Variants in PCLO observed in about 807,000 individuals in gnomAD.
PCLO encodes the protein protein piccolo.
In PCLO, 82 loss-of-function variants were observed where a neutral mutation model predicts 427.5. The ratio of observed to expected loss-of-function variants is 0.19; its 90% confidence interval spans 0.16 to 0.23. The LOEUF is 0.23. PCLO is among the 10% of genes least tolerant of loss of function. The pLI, the probability that PCLO is intolerant of heterozygous loss-of-function variation, is 1.00. For synonymous variants in PCLO, 2,357 were observed against 2,155.4 expected, an observed-to-expected ratio of 1.09 and a Z score of -2.59; for missense variants, 6,239 against 6,115.9, an observed-to-expected ratio of 1.02 and a Z score of -0.67.
chr7:82,886,891 T>C (rs919845569), intron 9 of PCLO, among the ~76,000 whole-genome samples: 1 of 152,206 alleles, frequency 6.6e-6, no homozygotes, highest in African/African-American at 2.4e-5. Flanking sequence ...TTTTCTATTA[T>C]ATAGGATGTA....
At chr7:82,812,331 T>C (rs956308737) in intron 20 of PCLO, among the ~76,000 whole-genome samples, 2 of 151,460 alleles carry the variant, frequency 1.3e-5, no homozygotes, top group Non-Finnish European at 3.0e-5. Context: ...AATAGCACGG[T>C]ATAGAGGAAT....
rs373513264 is a variant in PCLO, at chr7:83,155,042, C to T, written c.1599G>A (p.Gln533=). ...GAGCTGAGGGTTTTGCTGAGCCAGG[C>T]TGTTGAGATGGGGGTTTTGTTGAGC... ...QPGSTKPPSQ[Q]PGSAKPSAQQ... is the part of the protein sequence containing the mutation. The change falls in exon 2 of 25, where the codon CAG becomes CAA. Residue 533 remains glutamine (Q), a synonymous_variant. Transcript: ENST00000333891. The T allele has an allele frequency of 4.3e-6, 7 of 1,612,748 alleles. No individual in the cohort carries two copies. In the African/African-American group the frequency reaches 6.7e-5, roughly 15 times the overall value.
chr7:82,761,402 G>T lies in PCLO; in HGVS notation c.15099C>A (p.Cys5033Ter). The T allele has an allele frequency of 6.5e-7, 1 of 1,540,440 alleles. No individual in the cohort carries two copies. The stretch of plus-strand genomic sequence containing the variant: ...ACTTAAATTTGTATGTAATATTTCT[G>T]CATTGGAGAATTTCAACTATTAGTT... ...GEQLIVEILQ[C>*]RNITYKFKSP... The change falls in exon 23 of 25, where the codon TGC (cysteine) becomes TGA (stop). Residue 5033 changes from cysteine (C) to a stop codon, truncating the protein, a stop_gained. Transcript: ENST00000333891. LOFTEE classifies it high-confidence loss of function.
intron 9 of PCLO, among the ~76,000 whole-genome samples, chr7:82,895,757 TGAA>T (rs1274670781): frequency 1.3e-5 from 2 of 151,802 alleles, no homozygotes; most frequent in Non-Finnish European, 1.5e-5. Context: ...CAAAACTGAT[TGAA>T]GAAGAAAGAG....
chr7:82,791,265 ATCAT>A (rs757092835), intron 22 of PCLO, among the ~76,000 whole-genome samples: 15 of 152,096 alleles, frequency 9.9e-5, no homozygotes, highest in Non-Finnish European at 1.9e-4. Flanking sequence ...AATATAAATA[ATCAT>A]TCAATATGAC....
At chr7:83,009,279 A>G (rs1423203745) in intron 3 of PCLO, among the ~76,000 whole-genome samples, 1 of 151,826 alleles carries the variant, frequency 6.6e-6, no homozygotes, top group African/African-American at 2.4e-5. Context: ...TCATTGGCAT[A>G]ATGTTTAACA....
intron 24 of PCLO, among the ~76,000 whole-genome samples, chr7:82,759,804 T>C (rs1045771346): frequency 2.0e-5 from 3 of 151,970 alleles, no homozygotes; most frequent in Admixed American, 6.6e-5. Context: ...AGACGTACTA[T>C]GTGCAAAGCA....
chr7:83,099,862 TAA>T (rs1790693645), intron 3 of PCLO, among the ~76,000 whole-genome samples: 1 of 152,086 alleles, frequency 6.6e-6, no homozygotes, highest in African/African-American at 2.4e-5. Context: ...GTTAAATCCA[TAA>T]ATCTTAAAGA....
intron 7 of PCLO, among the ~76,000 whole-genome samples, chr7:82,909,843 A>G (rs1261226648): frequency 6.6e-6 from 1 of 152,056 alleles, no homozygotes; most frequent in Non-Finnish European, 1.5e-5. Flanking sequence ...TAGATTGAAG[A>G]CTTGGTTGCC....
intron 10 of PCLO, among the ~76,000 whole-genome samples, chr7:82,861,025 G>A (rs1477794492): frequency 6.6e-6 from 1 of 151,964 alleles, no homozygotes. Context: ...ATCTTCACTA[G>A]AGGAAAACAG....
At chr7:83,035,263 G>A (rs1383243906) in intron 3 of PCLO, among the ~76,000 whole-genome samples, 1 of 152,144 alleles carries the variant, frequency 6.6e-6, no homozygotes. Flanking sequence ...CAAAATTGGA[G>A]ACAGGCAAAA....
At chr7:82,802,268 A>AT (rs5885311) in intron 21 of PCLO, among the ~76,000 whole-genome samples, 38 of 151,362 alleles carry the variant, frequency 2.5e-4, no homozygotes, top group African/African-American at 7.5e-4. Flanking sequence ...ATGAAAAAAA[A>AT]CACATGAAAA....
chr7:82,824,948 C>CA (rs1344513393), intron 18 of PCLO, among the ~76,000 whole-genome samples: 3 of 151,758 alleles, frequency 2.0e-5, no homozygotes, highest in African/African-American at 2.4e-5. Context: ...GATTCTGTCT[C>CA]AAAAAACAAA....
rs145120758 is a variant in PCLO at position 82,757,866 on chromosome 7, T to C, written c.*709A>G. ...TAAATTCAATTTTATTTCTACTGAG[T>C]ATTATCTTCACTCTACCTTGTTTCA... On this transcript the variant is annotated 3_prime_UTR_variant, in exon 25 of 25. Transcript: ENST00000333891. 3 of 152,136 alleles carry C rather than the reference T, an allele frequency of 2.0e-5. No homozygotes were observed. The highest frequency in any genetic ancestry group is 7.2e-5 in the African/African-American group (3 of 41,554). The allele number at this position is 152,136 out of a possible 1,614,324, so 9.4% of individuals were successfully genotyped here. A position where few individuals can be genotyped will look rare whatever the true frequency, so the allele number is the denominator to read the frequency against.
In PCLO at chr7:82,799,601, A is replaced by C. The variant is rs554940677; in HGVS notation, c.15007+1917T>G. Among the ~76,000 whole-genome samples, 121 of 152,234 alleles carry C rather than the reference A, an allele frequency of 7.9e-4. 1 individual carries two copies. Among genetic ancestry groups the C allele is most frequent in the Middle Eastern group, 3.4e-3 (1 of 294 alleles). ...GGTCTCTTCCTTCCTTTCTTCTCAG[A>C]GTAGCTGCCCTGTACAGTTTTCCAG... On this transcript the variant is annotated intron_variant, in intron 22 of 24. Coordinates refer to ENST00000333891, the MANE Select transcript of PCLO (RefSeq NM_033026.6).
chr7:82,937,611 T>C (rs2116366202), intron 6 of PCLO, among the ~76,000 whole-genome samples: 1 of 151,822 alleles, frequency 6.6e-6, no homozygotes, highest in South Asian at 2.1e-4. Context: ...CATTGCATAT[T>C]TTAAATGCTC....
Position 82,797,746 on chromosome 7 carries a change from T to G in PCLO, c.15007+3772A>C, listed in dbSNP as rs145462704. Among the ~76,000 whole-genome samples the G allele has an allele frequency of 3.7e-3, 569 of 152,250 alleles. 5 individuals are homozygous for G. Among genetic ancestry groups the G allele is most frequent in the African/African-American group, 0.013 (548 of 41,570 alleles). ...GATAGTCTGAAAAAGTATTACTGTT[T>G]TATACTACAACTTAGGTTGAATCCC... is the stretch of plus-strand genomic sequence containing the variant. On this transcript the variant is annotated intron_variant, in intron 22 of 24. Coordinates refer to ENST00000333891, the MANE Select transcript of PCLO (RefSeq NM_033026.6).
chr7:83,087,111 T>C (rs141399659), intron 3 of PCLO, among the ~76,000 whole-genome samples: 5,025 of 149,470 alleles, frequency 0.034, 312 homozygotes, highest in African/African-American at 0.12. Context: ...TTAGGAGATA[T>C]ACCTCATGTA....
Position 82,784,446 on chromosome 7 carries a change from A to C in PCLO, c.15007+17072T>G, listed in dbSNP as rs563121023. Among the ~76,000 whole-genome samples, 16 of 152,272 alleles carry C rather than the reference A, an allele frequency of 1.1e-4. No homozygotes were observed. The Middle Eastern group carries it at 0.014, about 129-fold the overall frequency. ...GCCTTTCCGGATAATATTATTTCCAAGATTTTTTTTCTTTTTTAATTGCAG... is the reference window on the plus strand; with the variant it reads ...GCCTTTCCGGATAATATTATTTCCACGATTTTTTTTCTTTTTTAATTGCAG... On this transcript the variant is annotated intron_variant, in intron 22 of 24. Coordinates refer to ENST00000333891, the MANE Select transcript of PCLO (RefSeq NM_033026.6).
Sources: allele counts gnomAD v4.1 joint callset (sites outside exome capture counted in the v4.1 genomes callset), GRCh38; gene constraint gnomAD v4.1.1; transcripts MANE v1.5; gene names NCBI Gene and HGNC (gene_info 2026-07-23, HGNC 2026-07-21).